Variants in HPSE2 observed in about 807,000 individuals in gnomAD.
HPSE2 encodes the protein heparanase 2 (inactive), also known as inactive heparanase-2.
Under a neutral mutation model 60.5 loss-of-function variants are expected in HPSE2, and 38 were observed. That is an observed-to-expected ratio of 0.63 (90% confidence interval 0.48 to 0.82). The LOEUF (loss-of-function observed/expected upper bound fraction) is 0.82, where lower values mean the gene tolerates loss of function less well. HPSE2 is among the 40% of genes least tolerant of loss of function. The pLI is 0.00. For missense variants in HPSE2, 713 were observed against 740.4 expected, an observed-to-expected ratio of 0.96 and a Z score of 0.43; for synonymous variants, 295 against 293.2, an observed-to-expected ratio of 1.01 and a Z score of -0.06.
chr10:99,118,132 C>CA lies in HPSE2; in HGVS notation c.610+26105dup, dbSNP rs200424183. Among the ~76,000 whole-genome samples, 1,283 of 149,170 alleles carry CA rather than the reference C, an allele frequency of 8.6e-3. 14 individuals carry two copies. Among genetic ancestry groups the CA allele is most frequent in the African/African-American group, 0.03 (1,206 of 40,654 alleles). ...TCCATCACATAAACAGAATTAAAGA[C>CA]AAAAAAAAACACTATTATCTCAATA... On this transcript the variant is annotated intron_variant, in intron 3 of 11. Transcript: ENST00000370552.
intron 3 of HPSE2, among the ~76,000 whole-genome samples, chr10:98,891,552 A>C (rs1953336710): frequency 6.6e-6 from 1 of 151,952 alleles, no homozygotes; most frequent in African/African-American, 2.4e-5. Context: ...GGAGTCAAGC[A>C]ATCTTCCCAC....
intron 4 of HPSE2, among the ~76,000 whole-genome samples, chr10:98,732,478 T>A (rs1026994282): frequency 6.6e-6 from 1 of 152,074 alleles, no homozygotes; most frequent in Admixed American, 6.6e-5. Context: ...GAAACAAAAC[T>A]ATGTATGGTC....
chr10:98,999,813 A>G (rs957040479), intron 3 of HPSE2, among the ~76,000 whole-genome samples: 1 of 152,190 alleles, frequency 6.6e-6, no homozygotes, highest in African/African-American at 2.4e-5. Flanking sequence ...TCATGCAAAG[A>G]TTTTACCATT....
chr10:99,108,911 C>T (rs1014249304), intron 3 of HPSE2, among the ~76,000 whole-genome samples: 50 of 152,156 alleles, frequency 3.3e-4, no homozygotes, highest in African/African-American at 1.2e-3. Flanking sequence ...GAAGCCCCTC[C>T]CTATTCCCCA....
At chr10:99,033,554 G>A (rs184300783) in intron 3 of HPSE2, among the ~76,000 whole-genome samples, 9 of 152,148 alleles carry the variant, frequency 5.9e-5, no homozygotes, top group South Asian at 2.1e-4. Flanking sequence ...AGGCTGAGGC[G>A]GGCATATCAC....
At chr10:98,611,647 G>T (rs1204755724) in intron 9 of HPSE2, among the ~76,000 whole-genome samples, 1 of 152,172 alleles carries the variant, frequency 6.6e-6, no homozygotes, top group Non-Finnish European at 1.5e-5. Flanking sequence ...GGGGCCTGCT[G>T]GCAATGTGTG....
At chr10:98,687,665 G>A (rs1947951676) in intron 6 of HPSE2, among the ~76,000 whole-genome samples, 1 of 152,154 alleles carries the variant, frequency 6.6e-6, no homozygotes, top group Non-Finnish European at 1.5e-5. Flanking sequence ...CGATTATTAT[G>A]TCTTCCTGAT....
In HPSE2 at chr10:98,743,981, C is replaced by T. The variant is rs373252593; in HGVS notation, c.686G>A (p.Arg229His). 2.5e-5 allele frequency: 40 copies of T among 1,613,964 alleles called. No homozygotes were observed. The highest frequency in any genetic ancestry group is 2.0e-4 in the East Asian group (9 of 44,890). The change falls in exon 4 of 12, where the codon CGT (arginine) becomes CAT (histidine). Residue 229 changes from arginine to histidine, a missense_variant. Coordinates refer to ENST00000370552, the MANE Select transcript of HPSE2 (RefSeq NM_021828.5). ...LHLIFALNAL[R>H]RNPNNSWNSS... ...GTTCCAGGAGTTATTGGGATTACGACGCAGTGCATTTAGAGCAAATATCAG... is the reference window on the plus strand; with the variant it reads ...GTTCCAGGAGTTATTGGGATTACGATGCAGTGCATTTAGAGCAAATATCAG...
intron 6 of HPSE2, among the ~76,000 whole-genome samples, chr10:98,674,146 T>C (rs909365468): frequency 1.3e-5 from 2 of 152,348 alleles, no homozygotes; most frequent in African/African-American, 4.8e-5. Context: ...ATTTGGCACA[T>C]GGAAGGCTTT....
At chr10:98,492,458 C>CAT in intron 9 of HPSE2, among the ~76,000 whole-genome samples, 1 of 147,660 alleles carries the variant, frequency 6.8e-6, no homozygotes, top group Non-Finnish European at 1.5e-5. Flanking sequence ...GCCGAGATTG[C>CAT]GCCACTGCAC....
intron 9 of HPSE2, among the ~76,000 whole-genome samples, chr10:98,517,033 G>A (rs569143535): frequency 2.0e-5 from 3 of 152,260 alleles, no homozygotes; most frequent in Non-Finnish European, 4.4e-5. Context: ...CTTAGTTTCA[G>A]GGGTTATTTT....
chr10:99,224,051 G>T (rs1849397199), intron 2 of HPSE2, among the ~76,000 whole-genome samples: 1 of 152,060 alleles, frequency 6.6e-6, no homozygotes, highest in South Asian at 2.1e-4. Flanking sequence ...TAATATATAA[G>T]ATCACAGCAC....
chr10:98,929,884 TAA>T (rs1310432081), intron 3 of HPSE2, among the ~76,000 whole-genome samples: 1 of 143,978 alleles, frequency 6.9e-6, no homozygotes, highest in Non-Finnish European at 1.5e-5. Context: ...GTGCCATAAA[TAA>T]AGTTTTATTG....
At chr10:98,706,674 G>C (rs1233055071) in intron 5 of HPSE2, among the ~76,000 whole-genome samples, 1 of 152,138 alleles carries the variant, frequency 6.6e-6, no homozygotes, top group Non-Finnish European at 1.5e-5. Flanking sequence ...GCCAGGAGGA[G>C]CAGCCCAGGC....
intron 3 of HPSE2, among the ~76,000 whole-genome samples, chr10:98,762,599 G>A (rs1565145254): frequency 6.6e-6 from 1 of 151,690 alleles, no homozygotes; most frequent in Non-Finnish European, 1.5e-5. Context: ...ATTTCTGAGT[G>A]GTACATGTAC....
intron 7 of HPSE2, among the ~76,000 whole-genome samples, chr10:98,623,863 G>A (rs1201682942): frequency 6.6e-6 from 1 of 152,084 alleles, no homozygotes; most frequent in Non-Finnish European, 1.5e-5. Context: ...GTCAAACACA[G>A]CTCAGAGTTG....
chr10:98,718,906 T>C (rs550395821), intron 5 of HPSE2, among the ~76,000 whole-genome samples: 153 of 152,266 alleles, frequency 1.0e-3, no homozygotes, highest in Non-Finnish European at 1.8e-3. Flanking sequence ...CAGTGGCTTA[T>C]TGTATATTCC....
intron 2 of HPSE2, among the ~76,000 whole-genome samples, chr10:99,216,960 G>A (rs1385136882): frequency 6.6e-6 from 1 of 152,042 alleles, no homozygotes; most frequent in Non-Finnish European, 1.5e-5. Flanking sequence ...TTTCACCACA[G>A]TCTTGAAGTT....
At chr10:99,223,955 T>C (rs1298340715) in intron 2 of HPSE2, among the ~76,000 whole-genome samples, 2 of 152,020 alleles carry the variant, frequency 1.3e-5, no homozygotes, top group East Asian at 3.9e-4. Flanking sequence ...GAAAGTATAA[T>C]ATATGTAAGT....
Sources: allele counts gnomAD v4.1 joint callset (sites outside exome capture counted in the v4.1 genomes callset), GRCh38; gene constraint gnomAD v4.1.1; transcripts MANE v1.5; gene names NCBI Gene and HGNC (gene_info 2026-07-23, HGNC 2026-07-21).